Variants in DHRSX observed in about 807,000 individuals in gnomAD.
DHRSX encodes the protein polyprenol dehydrogenase.
DHRSX carries 31 observed loss-of-function variants against 34.0 expected under a neutral mutation model. The observed-to-expected ratio is 0.91, with a 90% confidence interval of 0.69 to 1.23. The LOEUF (loss-of-function observed/expected upper bound fraction) is 1.23. Among genes scored for constraint, DHRSX ranks in the 50% most tolerant of loss-of-function variants. The pLI is 0.00. For synonymous variants in DHRSX, 201 were observed against 183.8 expected (o/e 1.09, Z -0.76); for missense variants, 414 against 428.1 (o/e 0.97, Z 0.29).
intron 1 of DHRSX, among the ~76,000 whole-genome samples, chrX:2,471,545 C>T (rs986128770): frequency 1.4e-5 from 2 of 145,212 alleles, no homozygotes; most frequent in African/African-American, 5.3e-5. Context: ...GCCTGGGCAA[C>T]AAGAGCAAAA....
intron 4 of DHRSX, among the ~76,000 whole-genome samples, chrX:2,286,077 C>G (rs1397464581): frequency 6.6e-6 from 1 of 152,166 alleles, no homozygotes; most frequent in Non-Finnish European, 1.5e-5. Context: ...GGTGATGAAT[C>G]CATTCTCAAC....
intron 1 of DHRSX, among the ~76,000 whole-genome samples, chrX:2,448,926 C>G (rs2044177867): frequency 6.6e-6 from 1 of 152,144 alleles, no homozygotes; most frequent in Non-Finnish European, 1.5e-5. Flanking sequence ...CGGTGGCTCA[C>G]GCCTGTCATC....
rs770556701 is a variant in DHRSX at position 2,316,320 on chromosome X, G to A, written c.287-24717C>T. 5.9e-5 allele frequency among the ~76,000 whole-genome samples: 9 copies of A among 152,288 alleles called. No individual in the cohort carries two copies. The South Asian group carries it at 1.2e-3, about 21-fold the overall frequency. On this transcript the variant is annotated intron_variant, in intron 3 of 6. Coordinates refer to ENST00000334651, the MANE Select transcript of DHRSX (RefSeq NM_145177.3). ...AATTCCAGCACTGTGATAGGCTGAG[G>A]TGGGGAAGATCACCTGAGCTCAGGA...
intron 1 of DHRSX, among the ~76,000 whole-genome samples, chrX:2,462,077 A>G (rs1268708810): frequency 6.6e-6 from 1 of 152,090 alleles, no homozygotes; most frequent in Non-Finnish European, 1.5e-5. Context: ...ACTGAATTAC[A>G]GTGACAAAAA....
At chrX:2,421,079 AATT>A (rs775447698) in intron 2 of DHRSX, among the ~76,000 whole-genome samples, 117 of 152,124 alleles carry the variant, frequency 7.7e-4, no homozygotes, top group African/African-American at 1.6e-3. Context: ...GCGTGTACAA[AATT>A]ATTATTTTAA....
chrX:2,468,602 AGTATGCGGCCAAGG>A (rs1234265607), intron 1 of DHRSX, among the ~76,000 whole-genome samples: 3 of 151,930 alleles, frequency 2.0e-5, no homozygotes, highest in South Asian at 2.1e-4. Context: ...ACGTTCCCTA[AGTATGCGGCCAAGG>A]GACCGCCGCC....
intron 6 of DHRSX, among the ~76,000 whole-genome samples, chrX:2,236,148 G>A (rs1257674033): frequency 6.6e-6 from 1 of 151,946 alleles, no homozygotes; most frequent in African/African-American, 2.4e-5. Flanking sequence ...AAATAAATCC[G>A]CACCTGTACT....
chrX:2,499,862 T>G (rs2045371787), intron 1 of DHRSX, among the ~76,000 whole-genome samples: 2 of 151,554 alleles, frequency 1.3e-5, no homozygotes, highest in South Asian at 2.1e-4. Context: ...CTGAGCAACA[T>G]AGCAAGACCC....
intron 3 of DHRSX, among the ~76,000 whole-genome samples, chrX:2,370,590 G>GGAAAAAAAAAAAAAAAAAA (rs779229599): frequency 7.5e-6 from 1 of 132,696 alleles, no homozygotes; most frequent in African/African-American, 3.0e-5. Context: ...TGGTTTTACT[G>GGAAAAAAAAAAAAAAAAAA]AAAAAAAAAA....
chrX:2,313,438 G>A (rs186595347), intron 3 of DHRSX, among the ~76,000 whole-genome samples: 50 of 151,450 alleles, frequency 3.3e-4, no homozygotes, highest in Non-Finnish European at 5.3e-4. Context: ...GTGCCATCTC[G>A]GCTCACTGCA....
At chrX:2,272,071 C>T (rs776593381) in intron 4 of DHRSX, among the ~76,000 whole-genome samples, 3 of 151,644 alleles carry the variant, frequency 2.0e-5, no homozygotes, top group African/African-American at 7.3e-5. Flanking sequence ...CTGTCTGTTT[C>T]TTGCAGCACA....
At chrX:2,262,271 C>CCT (rs2041373659) in intron 5 of DHRSX, among the ~76,000 whole-genome samples, 1 of 152,232 alleles carries the variant, frequency 6.6e-6, no homozygotes, top group Non-Finnish European at 1.5e-5. Context: ...ACACGCATGT[C>CCT]TTCCTCTGGG....
chrX:2,401,077 A>G (rs1477249697), intron 3 of DHRSX, among the ~76,000 whole-genome samples: 13 of 150,804 alleles, frequency 8.6e-5, no homozygotes, highest in South Asian at 8.5e-4. Context: ...TGAAGACGGC[A>G]CAAGCTACTG....
At chrX:2,413,277 G>C (rs2043654278) in intron 2 of DHRSX, among the ~76,000 whole-genome samples, 1 of 152,144 alleles carries the variant, frequency 6.6e-6, no homozygotes, top group Admixed American at 6.6e-5. Flanking sequence ...TTGTTCAAAT[G>C]ACACCAAATG....
intron 3 of DHRSX, among the ~76,000 whole-genome samples, chrX:2,330,110 GA>G: frequency 9.5e-6 from 1 of 105,054 alleles, no homozygotes; most frequent in African/African-American, 3.9e-5. Flanking sequence ...GGGAGAGAGA[GA>G]GAGAGAGAGA....
At chrX:2,371,787 G>A (rs2043076054) in intron 3 of DHRSX, among the ~76,000 whole-genome samples, 1 of 151,770 alleles carries the variant, frequency 6.6e-6, no homozygotes, top group South Asian at 2.1e-4. Flanking sequence ...TATTGCAAAA[G>A]CTCCCATCTG....
intron 3 of DHRSX, among the ~76,000 whole-genome samples, chrX:2,304,461 G>A (rs2042076897): frequency 6.6e-6 from 1 of 152,228 alleles, no homozygotes; most frequent in Non-Finnish European, 1.5e-5. Flanking sequence ...GCTGGAGGTG[G>A]ACCCTTGTAG....
At chrX:2,376,873 A>T in intron 3 of DHRSX, among the ~76,000 whole-genome samples, 1 of 152,070 alleles carries the variant, frequency 6.6e-6, no homozygotes, top group Non-Finnish European at 1.5e-5. Flanking sequence ...GCACACCTGT[A>T]GTCCCAGCTA....
chrX:2,276,372 A>G (rs1463149782), intron 4 of DHRSX, among the ~76,000 whole-genome samples: 6 of 152,300 alleles, frequency 3.9e-5, no homozygotes, highest in Middle Eastern at 6.8e-3. Context: ...CGCCAATTCA[A>G]AGGTGGAGAA....
Sources: allele counts gnomAD v4.1 joint callset (sites outside exome capture counted in the v4.1 genomes callset), GRCh38; gene constraint gnomAD v4.1.1; transcripts MANE v1.5; gene names NCBI Gene and HGNC (gene_info 2026-07-23, HGNC 2026-07-21).